The following ZFHX3 variants were observed in gnomAD, a reference collection of about 807,000 sequenced individuals.
The protein encoded by ZFHX3 is zinc finger homeobox protein 3.
Under a neutral mutation model 279.1 loss-of-function variants are expected in ZFHX3, and 42 were observed. The observed-to-expected ratio is 0.15, with a 90% CI of 0.12 to 0.19. The LOEUF is 0.19. Ranked by LOEUF, ZFHX3 falls within the 10% of genes least tolerant of loss-of-function variation. The pLI is 1.00. For missense variants in ZFHX3, 4,981 were observed against 4,754.0 expected (o/e 1.05, Z -1.40); for synonymous variants, 2,293 against 1,957.8 (o/e 1.17, Z -4.52).
intron 1 of ZFHX3, among the ~76,000 whole-genome samples, chr16:73,849,157 A>G (rs2142377611): frequency 6.6e-6 from 1 of 152,332 alleles, no homozygotes; most frequent in South Asian, 2.1e-4. Context: ...GTATACATCT[A>G]TAAACATGGT....
intron 1 of ZFHX3, among the ~76,000 whole-genome samples, chr16:72,997,619 C>T (rs1026964652): frequency 1.3e-5 from 2 of 152,202 alleles, no homozygotes; most frequent in African/African-American, 2.4e-5. Flanking sequence ...GACTTATTCA[C>T]AGCACTCCCC....
intron 3 of ZFHX3, among the ~76,000 whole-genome samples, chr16:73,341,468 A>T (rs1027890243): frequency 6.6e-6 from 1 of 151,416 alleles, no homozygotes; most frequent in Admixed American, 6.6e-5. Context: ...AACTTCATAC[A>T]TAATAAGTGA....
At chr16:73,125,448 T>C (rs1205034605) in intron 7 of ZFHX3, 2 of 152,104 alleles carry the variant, frequency 1.3e-5, no homozygotes, top group African/African-American at 4.8e-5. Flanking sequence ...TATAAAATAT[T>C]GATCCTGGGT....
At chr16:73,529,829 T>TAG (rs1226134002) in intron 2 of ZFHX3, among the ~76,000 whole-genome samples, 2 of 152,212 alleles carry the variant, frequency 1.3e-5, no homozygotes, top group East Asian at 3.9e-4. Context: ...GTGGCTTCAT[T>TAG]AGGGGATCAT....
At chr16:73,441,834 G>A (rs930636363) in intron 3 of ZFHX3, among the ~76,000 whole-genome samples, 1 of 152,192 alleles carries the variant, frequency 6.6e-6, no homozygotes, top group Non-Finnish European at 1.5e-5. Context: ...GGAAGATTCA[G>A]CAAAGTCAAA....
chr16:73,881,449 ACACACT>A (rs200318361), intron 1 of ZFHX3, among the ~76,000 whole-genome samples: 1,761 of 106,048 alleles, frequency 0.017, 41 homozygotes, highest in African/African-American at 0.065. Context: ...ACACACACAC[ACACACT>A]CTCTCTCTCT....
At chr16:73,471,863 C>G (rs2018674452) in intron 2 of ZFHX3, among the ~76,000 whole-genome samples, 1 of 152,114 alleles carries the variant, frequency 6.6e-6, no homozygotes, top group Admixed American at 6.5e-5. Context: ...GGAAAAAACC[C>G]TGCAGCATTC....
chr16:72,799,114 G>A (rs1353701119), intron 8 of ZFHX3, among the ~76,000 whole-genome samples: 5 of 152,312 alleles, frequency 3.3e-5, no homozygotes, highest in Admixed American at 3.3e-4. Context: ...TATGTAATAA[G>A]CATTTAGCAC....
rs1316555272 is a variant in ZFHX3 at position 72,783,188 on chromosome 16, T to C, written c.*3976A>G. 2 of 152,508 alleles carry C rather than the reference T, an allele frequency of 1.3e-5. No homozygotes were observed. Among genetic ancestry groups the C allele is most frequent in the African/African-American group, 4.8e-5 (2 of 41,408 alleles). 9.4% of individuals were successfully genotyped at this position (152,508 alleles called of 1,614,324 possible). ...CTTGCTCTATTTTTTTTGTTGTTTT[T>C]TGTTTTTTTTTCTTTTTGTACATTG... On this transcript the variant is annotated 3_prime_UTR_variant, in exon 10 of 10. Transcript: ENST00000268489.
chr16:73,212,890 G>A (rs2012070006), intron 5 of ZFHX3, among the ~76,000 whole-genome samples: 1 of 152,122 alleles, frequency 6.6e-6, no homozygotes, highest in South Asian at 2.1e-4. Flanking sequence ...TTTCTTAAGT[G>A]GAAGTAATTA....
At chr16:73,009,865 A>T (rs779438565) in intron 1 of ZFHX3, among the ~76,000 whole-genome samples, 12 of 151,992 alleles carry the variant, frequency 7.9e-5, no homozygotes, top group Admixed American at 3.3e-4. Context: ...TAGTAAAAAT[A>T]AAAAAATTAG....
At chr16:72,891,364 G>A (rs1449503710) in intron 3 of ZFHX3, among the ~76,000 whole-genome samples, 1 of 152,224 alleles carries the variant, frequency 6.6e-6, no homozygotes, top group Non-Finnish European at 1.5e-5. Flanking sequence ...TCATGATGCA[G>A]ACAGGTGGCA....
At chr16:72,851,952 T>C (rs2037629694) in intron 4 of ZFHX3, among the ~76,000 whole-genome samples, 1 of 152,216 alleles carries the variant, frequency 6.6e-6, no homozygotes, top group African/African-American at 2.4e-5. Context: ...CGTGGCCAAG[T>C]TAAACAGCTT....
chr16:73,676,923 CAAAT>C (rs897611025), intron 2 of ZFHX3, among the ~76,000 whole-genome samples: 5 of 151,912 alleles, frequency 3.3e-5, no homozygotes, highest in Admixed American at 1.3e-4. Flanking sequence ...ATTCATGTGT[CAAAT>C]AACGCAACAC....
chr16:72,966,368 A>G (rs964306504), intron 1 of ZFHX3, among the ~76,000 whole-genome samples: 1 of 152,232 alleles, frequency 6.6e-6, no homozygotes, highest in Non-Finnish European at 1.5e-5. Context: ...TGCTAAACCA[A>G]TAGAGGATGG....
chr16:73,610,246 C>T (rs971133402), intron 2 of ZFHX3, among the ~76,000 whole-genome samples: 2 of 152,098 alleles, frequency 1.3e-5, no homozygotes, highest in Admixed American at 6.5e-5. Context: ...AAATGGAGAG[C>T]GGCCGGGCCT....
intron 1 of ZFHX3, among the ~76,000 whole-genome samples, chr16:73,701,302 T>C (rs937946392): frequency 6.6e-6 from 1 of 152,224 alleles, no homozygotes; most frequent in African/African-American, 2.4e-5. Context: ...TTAAGCAAAC[T>C]GGCAAATGTT....
intron 2 of ZFHX3, among the ~76,000 whole-genome samples, chr16:73,484,710 T>C (rs1014569056): frequency 5.3e-5 from 8 of 152,210 alleles, no homozygotes; most frequent in Non-Finnish European, 1.0e-4. Context: ...TCAACTTCCA[T>C]TTTCCTATGT....
intron 5 of ZFHX3, among the ~76,000 whole-genome samples, chr16:73,240,021 T>TTG (rs113010649): frequency 0.11 from 16,790 of 146,928 alleles, 1,096 homozygotes; most frequent in Middle Eastern, 0.2. Context: ...GAACCTTATT[T>TTG]TGTGTGTGTG....
Sources: gnomAD v4.1 joint callset for allele counts (sites outside exome capture counted in the v4.1 genomes callset) on GRCh38, gnomAD v4.1.1 for gene constraint, MANE v1.5 for transcripts, NCBI Gene and HGNC (gene_info 2026-07-23, HGNC 2026-07-21) for gene names.